FAT2: variants seen among roughly 807,000 people sequenced by gnomAD.
FAT2 encodes protocadherin Fat 2.
A neutral mutation model predicts 295.3 loss-of-function variants in FAT2; 150 were observed. That is an observed-to-expected ratio of 0.51 (90% CI 0.44 to 0.58). FAT2 has a LOEUF of 0.58. Ranked by LOEUF, FAT2 falls within the 20% of genes least tolerant of loss-of-function variation. FAT2 has a pLI of 0.00. For missense variants in FAT2, 4,868 were observed against 5,442.7 expected (o/e 0.89, Z 3.32); for synonymous variants, 2,026 against 2,150.3 (o/e 0.94, Z 1.60).
intron 13 of FAT2, among the ~76,000 whole-genome samples, chr5:151,532,492 T>C (rs1754759557): frequency 6.6e-6 from 1 of 152,158 alleles, no homozygotes; most frequent in African/African-American, 2.4e-5. Context: ...AATGGACCAA[T>C]GTCAGTTTTC....
At chr5:151,563,709 C>T (rs2127642710) in intron 2 of FAT2, 70 bp from the exon 3 acceptor site, 1 of 1,313,778 alleles carries the variant, frequency 7.6e-7, no homozygotes, top group Non-Finnish European at 1.1e-6. Context: ...CACCCTTACC[C>T]ACCATTCCCC....
In FAT2 at chr5:151,531,562, G is replaced by T. The variant is rs767382741; in HGVS notation, c.9811+25C>A. Reference sequence around the variant, plus strand: ...CCAGAAACCCTGTACGCGATGCTTTGGGGCTTGGTGGATCAGGCTCTCACC... The same window carrying T: ...CCAGAAACCCTGTACGCGATGCTTTTGGGCTTGGTGGATCAGGCTCTCACC... On this transcript the variant is annotated intron_variant, in intron 14 of 23. Transcript: ENST00000261800. The surrounding 1 kb of genome is among the most constrained non-coding windows in gnomAD (Gnocchi z 5.7). 6.2e-7 allele frequency: 1 copy of T among 1,611,294 alleles called. No homozygotes were observed. The highest frequency in any genetic ancestry group is 1.7e-5 in the Admixed American group (1 of 59,930).
chr5:151,552,213 C>T (rs948852676), intron 6 of FAT2, among the ~76,000 whole-genome samples: 5 of 152,080 alleles, frequency 3.3e-5, no homozygotes, highest in East Asian at 3.9e-4. Context: ...ACCTTGGACT[C>T]GGCCTCAAGT....
At position 151,543,779 on chromosome 5, in the gene FAT2, A is replaced by G; in HGVS notation, c.7348T>C (p.Tyr2450His). The change falls in exon 10 of 24, where the codon TAC (tyrosine) becomes CAC (histidine). Residue 2450 changes from tyrosine to histidine, a missense_variant. Tyr to His is a moderately conservative substitution (Grantham distance 83, BLOSUM62 2). Transcript: ENST00000261800. ...TCAGAAGCACCTACCCTCAAATTGT[A>G]AGAAGAGTCCAGGTGCTTTTTGCAA... is the stretch of plus-strand genomic sequence containing the variant. ...NLCKKHLDSS[Y>H]NLRVGASDGV... The G allele has an allele frequency of 1.2e-6, 2 of 1,614,200 alleles. No homozygotes were observed. The highest frequency in any genetic ancestry group is 1.7e-6 in the Non-Finnish European group (2 of 1,180,028).
chr5:151,592,858 G>T (rs545535166), upstream of FAT2, among the ~76,000 whole-genome samples: 1 of 152,192 alleles, frequency 6.6e-6, no homozygotes, highest in African/African-American at 2.4e-5. Context: ...TTCTGGTCTT[G>T]TTGCTTATAC....
In FAT2 at chr5:151,544,510, T is replaced by C. The variant is rs758168313; in HGVS notation, c.6617A>G (p.Asn2206Ser). 24 of 1,613,912 alleles carry C rather than the reference T, an allele frequency of 1.5e-5. No homozygotes were observed. The Admixed American group carries it at 3.7e-4, about 25-fold the overall frequency. ...RSPEGLRLIY[N>S]IVEEEPLMLF... is the part of the protein sequence containing the mutation. ...CATCAAGGGTTCTTCCTCCACAATG[T>C]TGTAGATGAGCCGGAGTCCCTCTGG... Residue 2206 changes from asparagine to serine, a missense_variant, in exon 10 of 24, where the codon AAC becomes AGC. Asn to Ser is a conservative substitution (Grantham distance 46, BLOSUM62 1). Transcript: ENST00000261800.
chr5:151,530,951 T>A (rs1190706775), intron 14 of FAT2, among the ~76,000 whole-genome samples: 1 of 152,162 alleles, frequency 6.6e-6, no homozygotes, highest in Non-Finnish European at 1.5e-5. Context: ...GGCAGCTGTT[T>A]GGGGAGGTAG....
At position 151,544,508 on chromosome 5, in the gene FAT2, T is replaced by C. The variant is rs1043608970; in HGVS notation, c.6619A>G (p.Ile2207Val). 6.2e-7 allele frequency: 1 copy of C among 1,614,060 alleles called. No homozygotes were observed. The highest frequency in any genetic ancestry group is 1.1e-5 in the South Asian group (1 of 91,076). ...AGCATCAAGGGTTCTTCCTCCACAATGTTGTAGATGAGCCGGAGTCCCTCT... is the reference window on the plus strand; with the variant it reads ...AGCATCAAGGGTTCTTCCTCCACAACGTTGTAGATGAGCCGGAGTCCCTCT... ...SPEGLRLIYN[I>V]VEEEPLMLFT... The change falls in exon 10 of 24, where the codon ATT becomes GTT. Residue 2207 changes from isoleucine (I) to valine (V), a missense_variant. Transcript: ENST00000261800.
Position 151,537,937 on chromosome 5 carries a change from T to G in FAT2, c.9049A>C (p.Thr3017Pro). The G allele has an allele frequency of 6.2e-7, 1 of 1,613,752 alleles. No individual in the cohort carries two copies. The highest frequency in any genetic ancestry group is 1.3e-5 in the African/African-American group (1 of 74,968). Reference sequence around the variant, plus strand: ...AATACATCTTCATGAACCTTGCCAGTATAGAGAAGCTAGAGATGGAAAGAC... The same window carrying G: ...AATACATCTTCATGAACCTTGCCAGGATAGAGAAGCTAGAGATGGAAAGAC... ...NSPQCSQLLYTGKVHEDVFPG... is the reference protein window; with the variant it reads ...NSPQCSQLLYPGKVHEDVFPG... The change falls in exon 12 of 24, where the codon ACT becomes CCT. Residue 3017 changes from threonine (T) to proline (P), a missense_variant. By Grantham distance (38) the Thr-to-Pro change is conservative. Coordinates refer to ENST00000261800, the MANE Select transcript of FAT2 (RefSeq NM_001447.3).
At position 151,542,625 on chromosome 5, in the gene FAT2, G is replaced by A. The variant is rs1377278988; in HGVS notation, c.8502C>T (p.Tyr2834=). The change falls in exon 10 of 24, where the codon TAC becomes TAT. Residue 2834 remains tyrosine, a synonymous_variant. Coordinates refer to ENST00000261800, the MANE Select transcript of FAT2 (RefSeq NM_001447.3). ...TGCTACCAGGGTCTGCAGACAGCCT[G>A]TAGCTCACCTGGCCATCTCTCCCAG... The part of the protein sequence containing the change: ...KDTGRDGQVS[Y]RLSADPGSNV... 3.7e-6 allele frequency: 6 copies of A among 1,614,210 alleles called. No homozygotes were observed. The highest frequency in any genetic ancestry group is 1.7e-4 in the Middle Eastern group (1 of 6,060).
At chr5:151,574,695 G>C (rs1758676486) in intron 1 of FAT2, among the ~76,000 whole-genome samples, 1 of 152,232 alleles carries the variant, frequency 6.6e-6, no homozygotes, top group Non-Finnish European at 1.5e-5. Flanking sequence ...GATAGGGCTT[G>C]AACACCAGCT....
At chr5:151,548,758 G>A (rs1417462545) in intron 9 of FAT2, among the ~76,000 whole-genome samples, 1 of 152,204 alleles carries the variant, frequency 6.6e-6, no homozygotes, top group Non-Finnish European at 1.5e-5. Flanking sequence ...TAGGATTACA[G>A]GCGTGAGCCA....
At position 151,540,740 on chromosome 5, in the gene FAT2, C is replaced by T. The variant is rs754032120; in HGVS notation, c.8866G>A (p.Gly2956Ser). Residue 2956 changes from glycine to serine, a missense_variant, in exon 11 of 24, where the codon GGC (glycine) becomes AGC (serine). Around this residue, in one of 5 missense-constraint regions of FAT2, gnomAD observed 3,297 missense variants for 3,669.4 expected, o/e 0.90. Transcript: ENST00000261800. ...CACTCATCTCCAACTTGGCTGATGC[C>T]AAACTGGCCCAGGGGGTCTCCCTCT... ...ITEGDPLGQF[G>S]ISQVGDEWRI... 1.9e-5 allele frequency: 31 copies of T among 1,614,002 alleles called. No homozygotes were observed. Among genetic ancestry groups the T allele is most frequent in the Non-Finnish European group, 2.6e-5 (31 of 1,179,954 alleles).
chr5:151,589,362 A>G, intron 1 of FAT2, among the ~76,000 whole-genome samples: 1 of 152,196 alleles, frequency 6.6e-6, no homozygotes, highest in East Asian at 1.9e-4. Flanking sequence ...GAGAACTTAC[A>G]GGCCAAGGTG....
chr5:151,592,471 G>A (rs1337437906), upstream of FAT2, among the ~76,000 whole-genome samples: 1 of 151,998 alleles, frequency 6.6e-6, no homozygotes, highest in Non-Finnish European at 1.5e-5. Flanking sequence ...AACATTCCTG[G>A]CAAATAAGTG....
chr5:151,558,437 GA>G (rs1192431389), intron 3 of FAT2, among the ~76,000 whole-genome samples: 1 of 152,078 alleles, frequency 6.6e-6, no homozygotes, highest in Non-Finnish European at 1.5e-5. Context: ...CCAATATGGT[GA>G]AACTTCATCT....
At position 151,553,315 on chromosome 5, in the gene FAT2, GC is replaced by G; in HGVS notation, c.4017del (p.Trp1339CysfsTer26). 1.9e-6 allele frequency: 3 copies of G among 1,614,272 alleles called. No homozygotes were observed. Among genetic ancestry groups the G allele is most frequent in the Non-Finnish European group, 2.5e-6 (3 of 1,180,046 alleles). Reference sequence around the variant, plus strand: ...GCCAGAGGGATGGAGGACGGCCGGGGCCAAGGGATCCACTCAATGTGTAGCC... The same window carrying G: ...GCCAGAGGGATGGAGGACGGCCGGGGCAAGGGATCCACTCAATGTGTAGCC... ...SVRLHIEWIP[W>X]PRPSSIPLAF... is the part of the protein sequence containing the mutation. On this transcript the variant is annotated frameshift_variant, in exon 6 of 24. Coordinates refer to ENST00000261800, the MANE Select transcript of FAT2 (RefSeq NM_001447.3). LOFTEE classifies it high-confidence loss of function.
Position 151,543,624 on chromosome 5 carries a change from A to T in FAT2, c.7503T>A (p.Ile2501=). Residue 2501 remains isoleucine (I), a synonymous_variant, in exon 10 of 24, where the codon ATT becomes ATA. Coordinates refer to ENST00000261800, the MANE Select transcript of FAT2 (RefSeq NM_001447.3). ...TATCTTTGTCTATGGCTAGCAAATCAATCACCTTGGTTCCAACCATTGCAT... is the reference window on the plus strand; with the variant it reads ...TATCTTTGTCTATGGCTAGCAAATCTATCACCTTGGTTCCAACCATTGCAT... The part of the protein sequence containing the change: ...AENAMVGTKV[I]DLLAIDKDSG... 6.2e-7 allele frequency: 1 copy of T among 1,614,182 alleles called. No homozygotes were observed. Among genetic ancestry groups the T allele is most frequent in the Middle Eastern group, 1.6e-4 (1 of 6,062 alleles).
In FAT2 at chr5:151,553,307, C is replaced by T. The variant is rs150507279; in HGVS notation, c.4026G>A (p.Pro1342=). The T allele has an allele frequency of 1.7e-5, 28 of 1,614,252 alleles. No individual in the cohort carries two copies. Among genetic ancestry groups the T allele is most frequent in the Middle Eastern group, 1.6e-4 (1 of 6,062 alleles). Residue 1342 remains proline, a synonymous_variant, in exon 6 of 24, where the codon CCG becomes CCA. Transcript: ENST00000261800. The stretch of plus-strand genomic sequence containing the variant: ...CATCAAAGGCCAGAGGGATGGAGGA[C>T]GGCCGGGGCCAAGGGATCCACTCAA... ...LHIEWIPWPR[P]SSIPLAFDET...
Sources: allele counts gnomAD v4.1 joint callset (sites outside exome capture counted in the v4.1 genomes callset), GRCh38; gene constraint gnomAD v4.1.1; regional missense constraint gnomAD v4.1.1; non-coding constraint Gnocchi (gnomAD v3.1); transcripts MANE v1.5; gene names NCBI Gene and HGNC (gene_info 2026-07-23, HGNC 2026-07-21).